The following TTBK2 variants were observed in gnomAD, a reference collection of about 807,000 sequenced individuals.
TTBK2 encodes tau-tubulin kinase 2.
In TTBK2, 28 loss-of-function variants were observed where a neutral mutation model predicts 110.8. That is an observed-to-expected ratio of 0.25 (90% confidence interval 0.19 to 0.35). The LOEUF (loss-of-function observed/expected upper bound fraction) is 0.35. TTBK2 is among the 10% of genes least tolerant of loss of function. The pLI, the probability that TTBK2 is intolerant of heterozygous loss-of-function variation, is 1.00. For synonymous variants in TTBK2, 532 were observed against 527.3 expected (o/e 1.01, Z -0.12); for missense variants, 1,369 against 1,500.3 (o/e 0.91, Z 1.45).
chr15:42,777,260 T>C lies in TTBK2; in HGVS notation c.1198-18A>G, dbSNP rs747010200. 46 of 1,612,798 alleles carry C rather than the reference T, an allele frequency of 2.9e-5. No homozygotes were observed. The highest frequency in any genetic ancestry group is 3.6e-5 in the Non-Finnish European group (43 of 1,179,294). On this transcript the variant is annotated intron_variant, in intron 11 of 14. Coordinates refer to ENST00000267890, the MANE Select transcript of TTBK2 (RefSeq NM_173500.4). ...GTAGCAGCCTATCCAAAATATAAAA[T>C]AAAATCATGAAAAACATTCTAGGCA...
rs1380742713 is a variant in TTBK2 at position 42,810,566 on chromosome 15, G to C, written c.822+48C>G. 3 of 1,609,804 alleles carry C rather than the reference G, an allele frequency of 1.9e-6. No homozygotes were observed. The Admixed American group carries it at 5.0e-5, about 27-fold the overall frequency. ...CAAAGCTACAATGAGTGAAAGCATA[G>C]ACTAAGAGAGAAAATAACTAACCCA... On this transcript the variant is annotated intron_variant, in intron 9 of 14. Transcript: ENST00000267890.
intron 1 of TTBK2, among the ~76,000 whole-genome samples, chr15:42,912,612 G>A (rs2141214300): frequency 6.6e-6 from 1 of 152,192 alleles, no homozygotes; most frequent in South Asian, 2.1e-4. Flanking sequence ...TCGGGAGGCT[G>A]AGGCAGGAGA....
chr15:42,829,354 T>G (rs1892657684), intron 5 of TTBK2, among the ~76,000 whole-genome samples: 1 of 152,220 alleles, frequency 6.6e-6, no homozygotes, highest in Non-Finnish European at 1.5e-5. Context: ...TCACAACTGA[T>G]GATTTCTTAT....
At chr15:42,916,731 G>A (rs1026111807) in intron 1 of TTBK2, among the ~76,000 whole-genome samples, 3 of 152,170 alleles carry the variant, frequency 2.0e-5, no homozygotes, top group East Asian at 3.9e-4. Flanking sequence ...AATATATAAC[G>A]TGGAAAATTC....
At chr15:42,766,151 G>C (rs868693326) in intron 13 of TTBK2, among the ~76,000 whole-genome samples, 1 of 152,132 alleles carries the variant, frequency 6.6e-6, no homozygotes, top group Middle Eastern at 3.4e-3. Context: ...ATTGGTACCA[G>C]CCACTGCAAA....
At chr15:42,793,284 A>C (rs913800942) in intron 10 of TTBK2, among the ~76,000 whole-genome samples, 1 of 152,200 alleles carries the variant, frequency 6.6e-6, no homozygotes, top group South Asian at 2.1e-4. Context: ...TCAGGGTCTC[A>C]CATTTAGGAA....
At chr15:42,873,631 T>C (rs1894700442) in intron 2 of TTBK2, among the ~76,000 whole-genome samples, 1 of 152,164 alleles carries the variant, frequency 6.6e-6, no homozygotes. Context: ...ACAAGCACTA[T>C]TCTCTCTGAT....
At chr15:42,768,883 A>G (rs1889518088) in intron 13 of TTBK2, among the ~76,000 whole-genome samples, 1 of 152,214 alleles carries the variant, frequency 6.6e-6, no homozygotes, top group South Asian at 2.1e-4. Context: ...ACAGTAACCA[A>G]AACAGCATGG....
rs370592827 is a variant in TTBK2, at chr15:42,857,841, A to C, written c.217+14770T>G. Among the ~76,000 whole-genome samples the C allele has an allele frequency of 3.0e-4, 45 of 152,112 alleles. No individual in the cohort carries two copies. In the Middle Eastern group the frequency reaches 0.01, roughly 34 times the overall value. ...CTCACATCTGTAATCCCAGTAATTT[A>C]GGAGGCTGAGGCAGGTGGATCACCT... is the stretch of plus-strand genomic sequence containing the variant. On this transcript the variant is annotated intron_variant, in intron 3 of 14. Coordinates refer to ENST00000267890, the MANE Select transcript of TTBK2 (RefSeq NM_173500.4).
chr15:42,822,773 T>G (rs1181757846), intron 6 of TTBK2, among the ~76,000 whole-genome samples: 2 of 152,200 alleles, frequency 1.3e-5, no homozygotes, highest in Non-Finnish European at 2.9e-5. Context: ...GGTGGAAGTA[T>G]AACAGATAGC....
At chr15:42,830,310 C>T (rs1463952591) in intron 4 of TTBK2, among the ~76,000 whole-genome samples, 1 of 152,000 alleles carries the variant, frequency 6.6e-6, no homozygotes, top group Admixed American at 6.5e-5. Context: ...GCTTCAGCCT[C>T]CCGAGTAGCT....
intron 13 of TTBK2, among the ~76,000 whole-genome samples, chr15:42,763,099 TATACGTATATATATATATACAC>T (rs1567008406): frequency 3.4e-5 from 4 of 118,098 alleles, no homozygotes; most frequent in African/African-American, 1.2e-4. Context: ...TATATATATA[TATACGTATATATATATATACAC>T]ATATATATAC....
rs10650948 is a variant in TTBK2, at chr15:42,878,492, T to TACACACACACAC, written c.69+45_69+56dup. 36 of 1,542,276 alleles carry TACACACACACAC rather than the reference T, an allele frequency of 2.3e-5. No homozygotes were observed. The East Asian group carries it at 3.0e-4, about 13-fold the overall frequency. The stretch of plus-strand genomic sequence containing the variant: ...ACCAAAAATTACCCCCCGATATGTA[T>TACACACACACAC]ACACACACACACACACACACACACA... On this transcript the variant is annotated intron_variant, in intron 2 of 14. Transcript: ENST00000267890.
chr15:42,827,431 G>C (rs976892587), intron 6 of TTBK2, among the ~76,000 whole-genome samples: 55 of 152,138 alleles, frequency 3.6e-4, no homozygotes, highest in African/African-American at 1.3e-3. Context: ...AAAAAGGCAG[G>C]CAACAGAAAC....
At chr15:42,809,486 T>G (rs146786198) in intron 9 of TTBK2, among the ~76,000 whole-genome samples, 2,341 of 152,342 alleles carry the variant, frequency 0.015, 32 homozygotes, top group Non-Finnish European at 0.024. Flanking sequence ...AAGAAACTAT[T>G]AGCACTCAAG....
chr15:42,833,544 T>C (rs927652639), intron 4 of TTBK2, among the ~76,000 whole-genome samples: 1 of 152,184 alleles, frequency 6.6e-6, no homozygotes, highest in Non-Finnish European at 1.5e-5. Flanking sequence ...ATTATTTTCA[T>C]GTAAATTCTA....
chr15:42,773,369 G>A lies in TTBK2; in HGVS notation c.1998+1766C>T, dbSNP rs770054369. Among the ~76,000 whole-genome samples the A allele has an allele frequency of 8.6e-5, 13 of 151,062 alleles. No homozygotes were observed. The South Asian group carries it at 1.3e-3, about 15-fold the overall frequency. ...GGAGAATCACTTGAACCCAGAAGGC[G>A]GAGGTTGCAGTGAGCCGAGATCACA... On this transcript the variant is annotated intron_variant, in intron 13 of 14. Transcript: ENST00000267890.
chr15:42,865,512 C>A (rs13379933), intron 3 of TTBK2, among the ~76,000 whole-genome samples: 5,513 of 109,130 alleles, frequency 0.051, 349 homozygotes, highest in African/African-American at 0.26. Context: ...AATAATAATA[C>A]TAAAAAAAAA....
intron 3 of TTBK2, chr15:42,871,524 C>T: frequency 2.0e-6 from 2 of 985,360 alleles, no homozygotes; most frequent in Non-Finnish European, 2.4e-6. Flanking sequence ...ACATACCCTT[C>T]ATGGGCTTGG....
Sources: gnomAD v4.1 joint callset for allele counts (sites outside exome capture counted in the v4.1 genomes callset) on GRCh38, gnomAD v4.1.1 for gene constraint, MANE v1.5 for transcripts, NCBI Gene and HGNC (gene_info 2026-07-23, HGNC 2026-07-21) for gene names.